SMAD6: variants seen among roughly 807,000 people sequenced by gnomAD.
The protein encoded by SMAD6 is SMAD family member 6.
A neutral mutation model predicts 39.4 loss-of-function variants in SMAD6; 103 were observed. The ratio of observed to expected loss-of-function variants is 2.62; its 90% CI spans 2.23 to 3.08. The LOEUF (loss-of-function observed/expected upper bound fraction) is 3.08. SMAD6 is among the 30% of genes most tolerant of loss of function. The pLI, the probability that SMAD6 is intolerant of heterozygous loss-of-function variation, is 0.00. For synonymous variants in SMAD6, 445 were observed against 353.3 expected, an observed-to-expected ratio of 1.26 and a Z score of -2.91; for missense variants, 1,104 against 742.9, an observed-to-expected ratio of 1.49 and a Z score of -5.65.
intron 2 of SMAD6, among the ~76,000 whole-genome samples, chr15:66,714,332 C>T (rs755966227): frequency 6.6e-6 from 1 of 152,016 alleles, no homozygotes; most frequent in Non-Finnish European, 1.5e-5. Flanking sequence ...CTCAGCCCAC[C>T]ACCTGTTTTT....
chr15:66,731,576 G>A (rs12916708), intron 3 of SMAD6, among the ~76,000 whole-genome samples: 41,589 of 152,136 alleles, frequency 0.27, 6,340 homozygotes, highest in East Asian at 0.44. Context: ...TAATTATATA[G>A]CAAATAGCCC....
intron 3 of SMAD6, among the ~76,000 whole-genome samples, chr15:66,717,711 C>T (rs766272143): frequency 7.2e-5 from 11 of 152,090 alleles, no homozygotes; most frequent in Non-Finnish European, 1.5e-4. Context: ...AGGCTAGAAG[C>T]GGAAGCAGGA....
intron 2 of SMAD6, among the ~76,000 whole-genome samples, chr15:66,712,395 A>G (rs929672632): frequency 1.2e-4 from 19 of 152,286 alleles, no homozygotes; most frequent in African/African-American, 4.6e-4. Context: ...AGTGGTTTCA[A>G]AAGTAGAGAT....
intron 3 of SMAD6, among the ~76,000 whole-genome samples, chr15:66,719,488 C>T (rs957954454): frequency 3.9e-5 from 6 of 152,158 alleles, no homozygotes; most frequent in Admixed American, 6.5e-5. Context: ...GGGGGTCTGC[C>T]GATCCCGAGA....
At chr15:66,708,984 C>G (rs972193484) in intron 1 of SMAD6, among the ~76,000 whole-genome samples, 4 of 152,230 alleles carry the variant, frequency 2.6e-5, no homozygotes, top group Non-Finnish European at 5.9e-5. Flanking sequence ...TAACTGGCCT[C>G]CCCTGTAACA....
chr15:66,750,104 G>A (rs1414859359), intron 3 of SMAD6, among the ~76,000 whole-genome samples: 2 of 151,974 alleles, frequency 1.3e-5, no homozygotes, highest in Admixed American at 6.6e-5. Flanking sequence ...GCTGCTGTGG[G>A]GGACGCAGGG....
intron 3 of SMAD6, among the ~76,000 whole-genome samples, chr15:66,746,057 A>G (rs970784771): frequency 2.6e-5 from 4 of 152,206 alleles, no homozygotes; most frequent in East Asian, 1.9e-4. Context: ...AGGCTCCCCA[A>G]GCATCAGCCA....
At chr15:66,755,126 A>G (rs1033716824) in intron 3 of SMAD6, among the ~76,000 whole-genome samples, 1 of 152,066 alleles carries the variant, frequency 6.6e-6, no homozygotes, top group Non-Finnish European at 1.5e-5. Flanking sequence ...AAAGCTGTTT[A>G]TTGGTTCCAG....
chr15:66,741,487 A>G (rs771578481), intron 3 of SMAD6, among the ~76,000 whole-genome samples: 16 of 152,110 alleles, frequency 1.1e-4, no homozygotes, highest in Non-Finnish European at 2.4e-4. Context: ...CCATCTGTAA[A>G]ATGAGGAGGA....
chr15:66,718,146 G>GTGTGTGTGTGTGTC (rs1030290268), intron 3 of SMAD6, among the ~76,000 whole-genome samples: 20 of 151,180 alleles, frequency 1.3e-4, no homozygotes, highest in African/African-American at 4.9e-4. Flanking sequence ...GTGTGTGTGT[G>GTGTGTGTGTGTGTC]TGTGTCTGTG....
rs759055119 is a variant in SMAD6 at position 66,781,125 on chromosome 15, C to A, written c.1081C>A (p.Pro361Thr). 1 of 1,608,852 alleles carries A rather than the reference C, an allele frequency of 6.2e-7. No individual in the cohort carries two copies. Among genetic ancestry groups the A allele is most frequent in the Non-Finnish European group, 8.5e-7 (1 of 1,179,768 alleles). The change falls in exon 4 of 4, where the codon CCT becomes ACT. Residue 361 changes from proline to threonine, a missense_variant. Transcript: ENST00000288840. ...GGCCGTCAGCATCTTCTACGACCTA[C>A]CTCAGGGCAGCGGCTTCTGCCTGGG... ...DQAVSIFYDL[P>T]QGSGFCLGQL...
chr15:66,757,391 T>G (rs1894120119), intron 3 of SMAD6, among the ~76,000 whole-genome samples: 1 of 151,434 alleles, frequency 6.6e-6, no homozygotes. Context: ...TAAGGAGGAG[T>G]CCCCCACAAT....
intron 3 of SMAD6, among the ~76,000 whole-genome samples, chr15:66,734,565 G>A (rs1490426810): frequency 6.6e-6 from 1 of 152,196 alleles, no homozygotes. Flanking sequence ...TGACTTTTAT[G>A]ACACCCTATA....
chr15:66,739,800 G>A, intron 3 of SMAD6, among the ~76,000 whole-genome samples: 1 of 152,090 alleles, frequency 6.6e-6, no homozygotes, highest in East Asian at 1.9e-4. Flanking sequence ...TAAATTAAAA[G>A]AAAAATTTTA....
At chr15:66,750,793 T>C (rs1013586569) in intron 3 of SMAD6, among the ~76,000 whole-genome samples, 7 of 152,130 alleles carry the variant, frequency 4.6e-5, no homozygotes, top group African/African-American at 1.4e-4. Flanking sequence ...ATCCTCCTTA[T>C]GGGGTGAGGG....
intron 2 of SMAD6, among the ~76,000 whole-genome samples, chr15:66,715,916 G>C (rs928432659): frequency 6.6e-6 from 1 of 152,130 alleles, no homozygotes; most frequent in Non-Finnish European, 1.5e-5. Context: ...AATTAGAGGG[G>C]TGTAAGCGGG....
chr15:66,741,581 G>T (rs989974650), intron 3 of SMAD6, among the ~76,000 whole-genome samples: 2 of 152,184 alleles, frequency 1.3e-5, no homozygotes, highest in African/African-American at 4.8e-5. Context: ...AACCCTGACT[G>T]GGAACCATCA....
intron 3 of SMAD6, among the ~76,000 whole-genome samples, chr15:66,746,246 A>G (rs890002674): frequency 6.6e-6 from 1 of 152,216 alleles, no homozygotes; most frequent in Non-Finnish European, 1.5e-5. Context: ...CTGTCCTATT[A>G]ATCCTTTGTG....
intron 3 of SMAD6, among the ~76,000 whole-genome samples, chr15:66,773,802 G>A (rs976205867): frequency 6.6e-6 from 1 of 152,142 alleles, no homozygotes; most frequent in African/African-American, 2.4e-5. Context: ...GGTGACCCTG[G>A]GCAAGTCACT....
Sources: allele counts gnomAD v4.1 joint callset (sites outside exome capture counted in the v4.1 genomes callset), GRCh38; gene constraint gnomAD v4.1.1; transcripts MANE v1.5; gene names NCBI Gene and HGNC (gene_info 2026-07-23, HGNC 2026-07-21).